The following TSC2 variants were observed in gnomAD, a reference collection of about 807,000 sequenced individuals.
The protein encoded by TSC2 is tuberin.
A neutral mutation model predicts 202.2 loss-of-function variants in TSC2; 29 were observed. That is an observed-to-expected ratio of 0.14 (90% confidence interval 0.11 to 0.20). The LOEUF is 0.20. Among genes scored for constraint, TSC2 ranks in the 10% least tolerant of loss-of-function variants. The pLI is 1.00. For synonymous variants in TSC2, 1,349 were observed against 1,044.0 expected (o/e 1.29, Z -5.63); for missense variants, 2,429 against 2,420.0 (o/e 1.00, Z -0.08).
At chr16:2,083,838 G>A (rs374199855) in intron 33 of TSC2, 22 bp downstream of exon 33, 2 of 1,604,586 alleles carry the variant, frequency 1.2e-6, no homozygotes, top group African/African-American at 1.3e-5. Flanking sequence ...TCAGAGCCTG[G>A]ACCCTGCTGA....
chr16:2,069,979 A>G (rs2088014077), intron 16 of TSC2, among the ~76,000 whole-genome samples: 1 of 152,224 alleles, frequency 6.6e-6, no homozygotes, highest in Non-Finnish European at 1.5e-5. Context: ...AAAGAATAAC[A>G]GTGTAACCAC....
At chr16:2,061,020 CA>C (rs1287100468) in intron 11 of TSC2, 1 of 663,684 alleles carries the variant, frequency 1.5e-6, no homozygotes, top group African/African-American at 1.8e-5. Context: ...GTTTAGGCCC[CA>C]GACAGGAATA....
intron 17 of TSC2, among the ~76,000 whole-genome samples, chr16:2,070,982 TGAGA>T (rs767537072): frequency 2.0e-5 from 3 of 151,346 alleles, no homozygotes; most frequent in African/African-American, 7.3e-5. Flanking sequence ...AGGGCAGAGC[TGAGA>T]GGGCAGGGCA....
chr16:2,060,625 A>G (rs1262782267), intron 10 of TSC2, 45 bp from the exon 11 acceptor site: 3 of 1,613,338 alleles, frequency 1.9e-6, no homozygotes, highest in Non-Finnish European at 2.5e-6. Context: ...TCCCACAGCA[A>G]GCAAGCAGCT....
At position 2,082,178 on chromosome 16, in the gene TSC2, T is replaced by A. The variant is rs183899289; in HGVS notation, c.3815-258T>A. 6.3e-5 allele frequency: 38 copies of A among 599,452 alleles called. No homozygotes were observed. In the East Asian group the frequency reaches 8.1e-4, roughly 13 times the overall value. 37.1% of individuals were successfully genotyped at this position (599,452 alleles called of 1,614,324 possible). ...CCCACCCCACTCGGCACCGTGCTTCTCGCCAGGCCCTCTGGCTCTTCCCTG... is the reference window on the plus strand; with the variant it reads ...CCCACCCCACTCGGCACCGTGCTTCACGCCAGGCCCTCTGGCTCTTCCCTG... On this transcript the variant is annotated intron_variant, in intron 31 of 41. Transcript: ENST00000219476.
At chr16:2,048,405 G>T in intron 1 of TSC2, 182 bp from the exon 2 acceptor site, 1 of 879,100 alleles carries the variant, frequency 1.1e-6, no homozygotes, top group South Asian at 1.4e-5. Context: ...GGTGTCTCCC[G>T]GGCTTTCCTA....
chr16:2,061,708 C>A, intron 11 of TSC2, 163 bp from the exon 12 acceptor site: 1 of 1,204,210 alleles, frequency 8.3e-7, no homozygotes, highest in Non-Finnish European at 1.2e-6. Flanking sequence ...CCCATGAGGC[C>A]CGGAGCGGCC....
intron 38 of TSC2, 114 bp downstream of exon 38, chr16:2,086,985 G>A: frequency 1.3e-6 from 2 of 1,482,856 alleles, no homozygotes; most frequent in Non-Finnish European, 9.1e-7. Context: ...AGGAGGAGAG[G>A]CCGCAGTGCT....
intron 13 of TSC2, 159 bp from the exon 14 acceptor site, chr16:2,062,813 G>T (rs553046714): frequency 1.7e-5 from 16 of 948,042 alleles, no homozygotes; most frequent in Non-Finnish European, 1.1e-5. Context: ...CTTTTCGGGG[G>T]TCGTCTGGAG....
At chr16:2,048,848 G>A (rs2084707964) in intron 2 of TSC2, 95 bp downstream of exon 2, 5 of 1,556,738 alleles carry the variant, frequency 3.2e-6, no homozygotes, top group African/African-American at 1.4e-5. Flanking sequence ...ACGGGTTGCT[G>A]GCAACTGTCT....
intron 25 of TSC2, among the ~76,000 whole-genome samples, chr16:2,077,147 G>A (rs891616311): frequency 1.3e-5 from 2 of 152,314 alleles, no homozygotes; most frequent in South Asian, 2.1e-4. Context: ...CGGCCATTAC[G>A]GCCAGAGACT....
chr16:2,083,668 CCAG>C, intron 32 of TSC2, 24 bp from the exon 33 acceptor site: 1 of 1,564,416 alleles, frequency 6.4e-7, no homozygotes. Flanking sequence ...AGCCCCACAT[CCAG>C]CAGCCCCGTC....
At chr16:2,064,495 G>T (rs568730503) in intron 15 of TSC2, 68 bp downstream of exon 15, 541 of 1,607,810 alleles carry the variant, frequency 3.4e-4, no homozygotes, top group Non-Finnish European at 4.4e-4. Flanking sequence ...ATGGCCTCTG[G>T]GCCCTCTGTC....
In TSC2 at chr16:2,062,478, C is replaced by A; in HGVS notation, c.1258-19C>A. On this transcript the variant is annotated intron_variant, in intron 12 of 41. Coordinates refer to ENST00000219476, the MANE Select transcript of TSC2 (RefSeq NM_000548.5). ...GCGCCGGAGGGGCAGAGGGGCAACACCGGCTCTTCTTTTGACAGGAGTCCT... is the reference window on the plus strand; with the variant it reads ...GCGCCGGAGGGGCAGAGGGGCAACAACGGCTCTTCTTTTGACAGGAGTCCT... 6.3e-7 allele frequency: 1 copy of A among 1,597,810 alleles called. No individual in the cohort carries two copies. Among genetic ancestry groups the A allele is most frequent in the Non-Finnish European group, 8.5e-7 (1 of 1,170,570 alleles).
rs1214307779 is a variant in TSC2 at position 2,088,873 on chromosome 16, GCGCGCGCGCA to G, written c.*265_*274del. ...TGGGCCATACAGCACACTCGCGCGT[GCGCGCGCGCA>G]CACACACACACACACAGTCACCTTC... On this transcript the variant is annotated 3_prime_UTR_variant, in exon 42 of 42. Transcript: ENST00000219476. 1.0e-5 allele frequency: 5 copies of G among 476,594 alleles called. No homozygotes were observed. In the African/African-American group the frequency reaches 1.2e-4, roughly 12 times the overall value. The allele number at this position is 476,594 out of a possible 1,614,324, so 29.5% of individuals were successfully genotyped here. A position where few individuals can be genotyped will look rare whatever the true frequency, so the allele number is the denominator to read the frequency against.
At chr16:2,056,498 T>C (rs1173660458) in intron 7 of TSC2, 146 bp from the exon 8 acceptor site, 2 of 1,296,812 alleles carry the variant, frequency 1.5e-6, no homozygotes, top group Non-Finnish European at 1.1e-6. Context: ...ACATGCCCGC[T>C]TGCCCTGTGG....
chr16:2,084,821 C>A (rs913979792), intron 34 of TSC2, 106 bp downstream of exon 34: 2 of 1,599,038 alleles, frequency 1.3e-6, no homozygotes, highest in East Asian at 4.5e-5. Flanking sequence ...TCGCCTGTGC[C>A]CTAGGGCTGG....
intron 24 of TSC2, 120 bp downstream of exon 24, chr16:2,076,290 C>T (rs1290703294): frequency 1.3e-6 from 2 of 1,564,810 alleles, no homozygotes; most frequent in Admixed American, 1.9e-5. Context: ...GTGTTTGGGG[C>T]TGTGCCTGTG....
At position 2,053,446 on chromosome 16, in the gene TSC2, G is replaced by A. The variant is rs1203856960; in HGVS notation, c.330G>A (p.Gln110=). The A allele has an allele frequency of 1.3e-6, 2 of 1,572,446 alleles. No individual in the cohort carries two copies. Among genetic ancestry groups the A allele is most frequent in the South Asian group, 1.2e-5 (1 of 85,600 alleles). ...TGGCTCTGCTGAAGGCCATCGTGCA[G>A]GGGCAGGTAAGGCCCAGGGCGACGC... ...AVLALLKAIV[Q]GQGERLGVLR... is the part of the protein sequence containing the mutation. Residue 110 remains glutamine, a synonymous_variant, in exon 4 of 42, where the codon CAG becomes CAA. Transcript: ENST00000219476.
Sources: allele counts gnomAD v4.1 joint callset (sites outside exome capture counted in the v4.1 genomes callset), GRCh38; gene constraint gnomAD v4.1.1; transcripts MANE v1.5; gene names NCBI Gene and HGNC (gene_info 2026-07-23, HGNC 2026-07-21).